Variants in ATRNL1 observed in about 807,000 individuals in gnomAD.
The protein encoded by ATRNL1 is attractin-like protein 1.
A neutral mutation model predicts 182.7 loss-of-function variants in ATRNL1; 95 were observed. That is an observed-to-expected ratio of 0.52 (90% CI 0.44 to 0.62). ATRNL1 has a LOEUF of 0.62. ATRNL1 is among the 20% of genes least tolerant of loss of function. The pLI, the probability that ATRNL1 is intolerant of heterozygous loss-of-function variation, is 0.00. For synonymous variants in ATRNL1, 576 were observed against 568.3 expected, an observed-to-expected ratio of 1.01 and a Z score of -0.19; for missense variants, 1,471 against 1,679.5, an observed-to-expected ratio of 0.88 and a Z score of 2.17.
intron 28 of ATRNL1, among the ~76,000 whole-genome samples, chr10:115,910,015 G>A (rs1486865545): frequency 3.9e-5 from 6 of 152,150 alleles, no homozygotes; most frequent in Non-Finnish European, 8.8e-5. Context: ...AGTGGAGGAG[G>A]AGAAGACCAT....
At chr10:115,757,240 T>C (rs1948614552) in intron 27 of ATRNL1, among the ~76,000 whole-genome samples, 1 of 152,224 alleles carries the variant, frequency 6.6e-6, no homozygotes, top group African/African-American at 2.4e-5. Context: ...GCTGATGCAG[T>C]TTCTTCCTAG....
intron 27 of ATRNL1, among the ~76,000 whole-genome samples, chr10:115,757,486 C>A (rs916124793): frequency 2.0e-5 from 3 of 152,068 alleles, no homozygotes; most frequent in African/African-American, 7.2e-5. Context: ...GAATATTGTC[C>A]CCTACTCTCT....
At chr10:115,382,557 TC>T (rs1564980930) in intron 19 of ATRNL1, among the ~76,000 whole-genome samples, 2 of 152,076 alleles carry the variant, frequency 1.3e-5, no homozygotes, top group Non-Finnish European at 2.9e-5. Context: ...TGATTTGGTA[TC>T]CTTGCTTAAT....
chr10:115,476,887 A>G (rs574428616), intron 24 of ATRNL1, among the ~76,000 whole-genome samples: 1 of 151,350 alleles, frequency 6.6e-6, no homozygotes, highest in Non-Finnish European at 1.5e-5. Context: ...CAGTTTATTT[A>G]TATTTATTGC....
chr10:115,915,338 C>T (rs1338419397), intron 28 of ATRNL1, among the ~76,000 whole-genome samples: 1 of 151,490 alleles, frequency 6.6e-6, no homozygotes, highest in Non-Finnish European at 1.5e-5. Context: ...GCGGAGCTTG[C>T]AGTGAGCGGA....
Position 115,944,866 on chromosome 10 carries a change from C to T in ATRNL1, c.*87C>T, listed in dbSNP as rs1295327016. 5 of 1,451,962 alleles carry T rather than the reference C, an allele frequency of 3.4e-6. No homozygotes were observed. Among genetic ancestry groups the T allele is most frequent in the Non-Finnish European group, 3.7e-6 (4 of 1,083,840 alleles). The allele number at this position is 1,451,962 out of a possible 1,614,324, so 89.9% of individuals were successfully genotyped here. ...TCTATGGCCTTGGATTTTATGGAGG[C>T]AGATCTCTGTATCATCCAGAGCCTG... On this transcript the variant is annotated 3_prime_UTR_variant, in exon 29 of 29. Coordinates refer to ENST00000355044, the MANE Select transcript of ATRNL1 (RefSeq NM_207303.4).
At chr10:115,745,642 A>G (rs895571561) in intron 27 of ATRNL1, among the ~76,000 whole-genome samples, 1 of 152,014 alleles carries the variant, frequency 6.6e-6, no homozygotes, top group East Asian at 1.9e-4. Flanking sequence ...GAGATTTTGT[A>G]TTTTGTTTTG....
In ATRNL1 at chr10:115,232,548, T is replaced by C. The variant is rs376379198; in HGVS notation, c.1533-9023T>C. Among the ~76,000 whole-genome samples, 121 of 152,322 alleles carry C rather than the reference T, an allele frequency of 7.9e-4. 2 individuals carry two copies. In the South Asian group the frequency reaches 0.024, roughly 31 times the overall value. ...TGTAATATTTGATAAGCAAAACTTA[T>C]TAATTTTAATATAGCAGAAGTTGTC... On this transcript the variant is annotated intron_variant, in intron 9 of 28. Coordinates refer to ENST00000355044, the MANE Select transcript of ATRNL1 (RefSeq NM_207303.4).
intron 28 of ATRNL1, among the ~76,000 whole-genome samples, chr10:115,887,250 C>T (rs1951968106): frequency 6.6e-6 from 1 of 152,066 alleles, no homozygotes; most frequent in Admixed American, 6.6e-5. Context: ...TCGAAGGTGC[C>T]CCAAACACAA....
At chr10:115,407,991 T>C (rs1198026681) in intron 20 of ATRNL1, among the ~76,000 whole-genome samples, 1 of 66,324 alleles carries the variant, frequency 1.5e-5, no homozygotes, top group African/African-American at 4.9e-5. Context: ...ATTTCTTTTT[T>C]TTTTTTTTTT....
At chr10:115,866,700 C>A (rs1364904708) in intron 28 of ATRNL1, among the ~76,000 whole-genome samples, 2 of 152,026 alleles carry the variant, frequency 1.3e-5, no homozygotes, top group Non-Finnish European at 2.9e-5. Flanking sequence ...AAAAATGGCA[C>A]CAACATGAAA....
intron 19 of ATRNL1, among the ~76,000 whole-genome samples, chr10:115,361,804 A>T (rs1329877217): frequency 1.3e-5 from 2 of 152,070 alleles, no homozygotes; most frequent in African/African-American, 2.4e-5. Context: ...TCCAATTTAT[A>T]ACTTAAATTT....
intron 27 of ATRNL1, among the ~76,000 whole-genome samples, chr10:115,804,221 C>A (rs1555085124): frequency 1.3e-5 from 2 of 152,090 alleles, no homozygotes; most frequent in African/African-American, 4.8e-5. Context: ...TGATGCATTG[C>A]CTTTTAAACT....
chr10:115,175,626 A>C (rs1487667542), intron 8 of ATRNL1, among the ~76,000 whole-genome samples: 1 of 152,084 alleles, frequency 6.6e-6, no homozygotes, highest in African/African-American at 2.4e-5. Context: ...TATAAGAATA[A>C]TAGATAAACC....
chr10:115,580,257 G>C (rs782625669), intron 26 of ATRNL1, among the ~76,000 whole-genome samples: 2 of 152,046 alleles, frequency 1.3e-5, no homozygotes, highest in Non-Finnish European at 2.9e-5. Flanking sequence ...CAACTTCAGT[G>C]ACTTCCTACA....
chr10:115,307,558 G>A (rs545645450), intron 17 of ATRNL1, among the ~76,000 whole-genome samples: 6 of 152,106 alleles, frequency 3.9e-5, no homozygotes, highest in African/African-American at 4.8e-5. Flanking sequence ...TACTGCGCCC[G>A]GCCTCCACAG....
chr10:115,423,553 C>G (rs1269354033), intron 20 of ATRNL1, among the ~76,000 whole-genome samples: 1 of 151,940 alleles, frequency 6.6e-6, no homozygotes, highest in Non-Finnish European at 1.5e-5. Context: ...AATGAACAAA[C>G]AAACAAACAA....
At chr10:115,723,563 T>TATTTATTTATTTATTTA (rs1947500521) in intron 26 of ATRNL1, among the ~76,000 whole-genome samples, 1 of 149,404 alleles carries the variant, frequency 6.7e-6, no homozygotes, top group African/African-American at 2.4e-5. Context: ...TTTATTTATT[T>TATTTATTTATTTATTTA]TTGAGACGGA....
At chr10:115,348,506 T>C (rs1316091044) in intron 19 of ATRNL1, among the ~76,000 whole-genome samples, 1 of 152,194 alleles carries the variant, frequency 6.6e-6, no homozygotes, top group Admixed American at 6.6e-5. Flanking sequence ...GGCAGTATTA[T>C]TTTTGTCATA....
Sources: allele counts gnomAD v4.1 joint callset (sites outside exome capture counted in the v4.1 genomes callset), GRCh38; gene constraint gnomAD v4.1.1; transcripts MANE v1.5; gene names NCBI Gene and HGNC (gene_info 2026-07-23, HGNC 2026-07-21).